Variants in FAT3 observed in about 807,000 individuals in gnomAD.
FAT3 encodes FAT atypical cadherin 3, also known as protocadherin Fat 3.
Under a neutral mutation model 310.2 loss-of-function variants are expected in FAT3, and 95 were observed. That is an observed-to-expected ratio of 0.31 (90% CI 0.26 to 0.36). The LOEUF (loss-of-function observed/expected upper bound fraction) is 0.36, where lower values mean the gene tolerates loss of function less well. FAT3 is among the 10% of genes least tolerant of loss of function. The probability of loss-of-function intolerance (pLI) is 1.00; values close to 1 mark genes in which losing one functional copy is unlikely to be tolerated. For missense variants in FAT3, 5,408 were observed against 5,715.6 expected, an observed-to-expected ratio of 0.95 and a Z score of 1.74; for synonymous variants, 2,314 against 2,192.9, an observed-to-expected ratio of 1.06 and a Z score of -1.54.
At chr11:92,351,965 T>C (rs1285305232) in intron 1 of FAT3, 131 bp from the exon 2 acceptor site, 5 of 451,186 alleles carry the variant, frequency 1.1e-5, no homozygotes, top group East Asian at 9.7e-5. Context: ...TTTTTTCTTA[T>C]ATTGCTGTTT....
chr11:92,447,345 A>G (rs1427254031), intron 2 of FAT3, among the ~76,000 whole-genome samples: 1 of 151,804 alleles, frequency 6.6e-6, no homozygotes, highest in Non-Finnish European at 1.5e-5. Context: ...ACCTTGGGGA[A>G]GTTACTTAAT....
At chr11:92,578,617 C>T (rs1342491774) in intron 3 of FAT3, among the ~76,000 whole-genome samples, 1 of 152,090 alleles carries the variant, frequency 6.6e-6, no homozygotes, top group East Asian at 1.9e-4. Flanking sequence ...AATTATTAAA[C>T]AGTGCTATCT....
At chr11:92,669,941 G>A (rs141469851) in intron 3 of FAT3, among the ~76,000 whole-genome samples, 6 of 152,252 alleles carry the variant, frequency 3.9e-5, no homozygotes, top group East Asian at 1.9e-4. Context: ...AAAATTAATC[G>A]GAAGTCCAAG....
At chr11:92,340,969 C>A (rs935327818) in intron 1 of FAT3, among the ~76,000 whole-genome samples, 1 of 152,160 alleles carries the variant, frequency 6.6e-6, no homozygotes, top group African/African-American at 2.4e-5. Context: ...TGAGCTCCAT[C>A]ACCTGGCTTT....
At chr11:92,529,845 T>C (rs953980375) in intron 3 of FAT3, among the ~76,000 whole-genome samples, 1 of 152,168 alleles carries the variant, frequency 6.6e-6, no homozygotes, top group South Asian at 2.1e-4. Flanking sequence ...CCACTTGTAT[T>C]TGAGTAGAGG....
At chr11:92,385,195 G>T (rs1174751365) in intron 2 of FAT3, among the ~76,000 whole-genome samples, 1 of 152,142 alleles carries the variant, frequency 6.6e-6, no homozygotes, top group African/African-American at 2.4e-5. Flanking sequence ...TCTTTCTACA[G>T]TCAGGAAGAG....
At chr11:92,400,849 T>G (rs1413236837) in intron 2 of FAT3, 1 of 152,152 alleles carries the variant, frequency 6.6e-6, no homozygotes, top group African/African-American at 2.4e-5. Flanking sequence ...AAGATTTATA[T>G]AAGTATGTAC....
At chr11:92,828,981 G>A (rs574166219) in intron 13 of FAT3, among the ~76,000 whole-genome samples, 4 of 152,276 alleles carry the variant, frequency 2.6e-5, no homozygotes, top group African/African-American at 9.6e-5. Context: ...TGCGGAGAGC[G>A]GCAGCGTGCA....
intron 4 of FAT3, among the ~76,000 whole-genome samples, chr11:92,705,704 CGTGGTGGTG>C: frequency 1.5e-4 from 1 of 6,720 alleles, no homozygotes; most frequent in African/African-American, 5.4e-4. Context: ...GTGGTGTGAT[CGTGGTGGTG>C]GTGGTGGTGG....
intron 3 of FAT3, among the ~76,000 whole-genome samples, chr11:92,544,143 G>A (rs1954543844): frequency 6.6e-6 from 1 of 152,018 alleles, no homozygotes; most frequent in Non-Finnish European, 1.5e-5. Flanking sequence ...TCTGTTTTGG[G>A]GCATATAGTA....
intron 3 of FAT3, among the ~76,000 whole-genome samples, chr11:92,577,402 C>G (rs543790104): frequency 1.1e-4 from 17 of 152,110 alleles, no homozygotes; most frequent in African/African-American, 3.6e-4. Flanking sequence ...GCCACCACAC[C>G]CAGCCTATTT....
chr11:92,871,296 C>A (rs1949384624), intron 22 of FAT3, among the ~76,000 whole-genome samples: 1 of 152,112 alleles, frequency 6.6e-6, no homozygotes, highest in African/African-American at 2.4e-5. Context: ...TTTGTAGACC[C>A]CTTCCCCACC....
chr11:92,378,992 G>C (rs1004624310), intron 2 of FAT3, among the ~76,000 whole-genome samples: 6 of 152,228 alleles, frequency 3.9e-5, no homozygotes, highest in Non-Finnish European at 8.8e-5. Context: ...TGGGGGTTAC[G>C]AATTCAACAT....
chr11:92,236,555 A>C (rs1461614003), intron 1 of FAT3, among the ~76,000 whole-genome samples: 1 of 152,216 alleles, frequency 6.6e-6, no homozygotes, highest in Non-Finnish European at 1.5e-5. Context: ...TGTCTTTTAG[A>C]CACTTTGTTA....
intron 3 of FAT3, among the ~76,000 whole-genome samples, chr11:92,693,876 C>CA (rs1268206840): frequency 6.6e-6 from 1 of 152,194 alleles, no homozygotes; most frequent in African/African-American, 2.4e-5. Context: ...CAAGCCCAAT[C>CA]AGCTCTATTC....
intron 4 of FAT3, among the ~76,000 whole-genome samples, chr11:92,746,443 G>T (rs1010404514): frequency 1.3e-5 from 2 of 152,166 alleles, no homozygotes; most frequent in African/African-American, 4.8e-5. Context: ...TCGCCACCTG[G>T]TCCCACCGTT....
At chr11:92,550,609 T>G (rs1954778493) in intron 3 of FAT3, among the ~76,000 whole-genome samples, 1 of 152,092 alleles carries the variant, frequency 6.6e-6, no homozygotes, top group Admixed American at 6.5e-5. Flanking sequence ...AGACAGTCAT[T>G]CACAAACAAT....
At chr11:92,577,814 A>T (rs1938565440) in intron 3 of FAT3, among the ~76,000 whole-genome samples, 1 of 151,976 alleles carries the variant, frequency 6.6e-6, no homozygotes, top group East Asian at 1.9e-4. Flanking sequence ...TCTATTTGTG[A>T]TATGCAATTT....
chr11:92,533,617 G>T (rs1055421877), intron 3 of FAT3, among the ~76,000 whole-genome samples: 1 of 152,182 alleles, frequency 6.6e-6, no homozygotes, highest in Non-Finnish European at 1.5e-5. Context: ...GGAATCAGCA[G>T]TCATGAACTA....
Sources: gnomAD v4.1 joint callset for allele counts (sites outside exome capture counted in the v4.1 genomes callset) on GRCh38, gnomAD v4.1.1 for gene constraint, MANE v1.5 for transcripts, NCBI Gene and HGNC (gene_info 2026-07-23, HGNC 2026-07-21) for gene names.